KCNA2: variants seen among roughly 807,000 people sequenced by gnomAD.
KCNA2 encodes potassium channel, voltage gated shaker related subfamily A, member 2.
Under a neutral mutation model 33.4 loss-of-function variants are expected in KCNA2, and 11 were observed. That is an observed-to-expected ratio of 0.33 (90% CI 0.21 to 0.55). The LOEUF (loss-of-function observed/expected upper bound fraction) is 0.55. KCNA2 is among the 20% of genes least tolerant of loss of function. The probability of loss-of-function intolerance (pLI) is 0.93; values close to 1 mark genes in which losing one functional copy is unlikely to be tolerated. For synonymous variants in KCNA2, 222 were observed against 231.3 expected, an observed-to-expected ratio of 0.96 and a Z score of 0.37; for missense variants, 291 against 621.6, an observed-to-expected ratio of 0.47 and a Z score of 5.66.
rs749520613 is a variant in KCNA2, at chr1:110,603,541, G to A, written c.1242C>T (p.Asn414=). ...LPVPVIVSNF[N]YFYHRETEGE... ...CCTCTGTCTCCCGGTGGTAGAAGTA[G>A]TTGAAATTGGACACAATGACAGGGA... The change falls in exon 3 of 3, where the codon AAC becomes AAT. Residue 414 remains asparagine (N), a synonymous_variant. Coordinates refer to ENST00000316361, the MANE Select transcript of KCNA2 (RefSeq NM_004974.4). The surrounding 1 kb of genome is among the most constrained non-coding windows in gnomAD (Gnocchi z 5.7). The A allele has an allele frequency of 9.9e-6, 16 of 1,614,014 alleles. 1 individual carries two copies. In the South Asian group the frequency reaches 1.8e-4, roughly 18 times the overall value.
chr1:110,609,629 A>G (rs1349325820), upstream of KCNA2, among the ~76,000 whole-genome samples: 4 of 152,068 alleles, frequency 2.6e-5, no homozygotes, highest in African/African-American at 9.7e-5. Flanking sequence ...CTCTGCTTCT[A>G]TTTTGTGACT....
intron 1 of KCNA2, among the ~76,000 whole-genome samples, chr1:110,612,627 T>A (rs1298263015): frequency 6.6e-6 from 1 of 152,190 alleles, no homozygotes; most frequent in Non-Finnish European, 1.5e-5. Context: ...TTCAGACTTG[T>A]TCCCCTCTGG....
chr1:110,602,139 T>C lies in KCNA2; in HGVS notation c.*1144A>G. 6.4e-7 allele frequency: 1 copy of C among 1,550,530 alleles called. No individual in the cohort carries two copies. The highest frequency in any genetic ancestry group is 8.7e-7 in the Non-Finnish European group (1 of 1,146,992). ...GGTGTTCAGATGCTGCCTTCCCCGC[T>C]TACTCTTCTGGCTTTGCAGAGGTCT... On this transcript the variant is annotated 3_prime_UTR_variant, in exon 3 of 3. Transcript: ENST00000316361.
chr1:110,599,867 T>C lies in KCNA2; in HGVS notation c.*3416A>G, dbSNP rs1321264635. The C allele has an allele frequency of 7.1e-6, 7 of 985,238 alleles. No individual in the cohort carries two copies. The highest frequency in any genetic ancestry group is 1.7e-5 in the African/African-American group (1 of 57,184). The allele number at this position is 985,238 out of a possible 1,614,324, so 61.0% of individuals were successfully genotyped here. On this transcript the variant is annotated 3_prime_UTR_variant, in exon 3 of 3. Coordinates refer to ENST00000316361, the MANE Select transcript of KCNA2 (RefSeq NM_004974.4). ...GGAAGGGTCATGGCAAGGAGGCCTA[T>C]ATTAGGCTACCAGCTGTCCCAGGTA...
intron 1 of KCNA2, among the ~76,000 whole-genome samples, chr1:110,616,976 C>T (rs1557738277): frequency 6.6e-6 from 1 of 152,210 alleles, no homozygotes. Context: ...AAAGCCTTCA[C>T]CAAGGATGGA....
Position 110,612,677 on chromosome 1 carries a change from T to A in KCNA2, c.-495-6955A>T, listed in dbSNP as rs375802547. ...AGTTGCTATAGAGACCCCACTAAAG[T>A]GCAGGTAGGATCTATCACCTCTTCA... is the stretch of plus-strand genomic sequence containing the variant. On this transcript the variant is annotated intron_variant, in intron 1 of 4. Coordinates refer to the KCNA2 transcript ENST00000369770. Among the ~76,000 whole-genome samples the A allele has an allele frequency of 3.3e-5, 5 of 152,196 alleles. No individual in the cohort carries two copies. The East Asian group carries it at 5.8e-4, about 18-fold the overall frequency.
In KCNA2 at chr1:110,596,969, C is replaced by A. The variant is rs1649122585; in HGVS notation, c.*6314G>T. On this transcript the variant is annotated 3_prime_UTR_variant, in exon 3 of 3. Transcript: ENST00000316361. The stretch of plus-strand genomic sequence containing the variant: ...CTTCTGAAGCCCCTGGCTATGTGTG[C>A]AAATATTTGTGCAGCTGCACACTCT... 1 of 985,324 alleles carries A rather than the reference C, an allele frequency of 1.0e-6. No homozygotes were observed. Among genetic ancestry groups the A allele is most frequent in the Non-Finnish European group, 1.2e-6 (1 of 829,942 alleles). 61.0% of individuals were successfully genotyped at this position (985,324 alleles called of 1,614,324 possible). A position where few individuals can be genotyped will look rare whatever the true frequency, so the allele number is the denominator to read the frequency against.
intron 1 of KCNA2, among the ~76,000 whole-genome samples, chr1:110,624,507 T>C (rs1332052775): frequency 1.3e-5 from 2 of 152,194 alleles, no homozygotes; most frequent in Non-Finnish European, 2.9e-5. Context: ...GACTGACAAG[T>C]GGCAGGAGTG....
intron 1 of KCNA2, among the ~76,000 whole-genome samples, chr1:110,614,396 T>C (rs1354482011): frequency 6.6e-6 from 1 of 152,264 alleles, no homozygotes; most frequent in African/African-American, 2.4e-5. Context: ...TAACACAGGT[T>C]GACTCCCTAG....
intron 1 of KCNA2, among the ~76,000 whole-genome samples, chr1:110,619,982 G>C (rs1218816840): frequency 6.6e-6 from 1 of 151,722 alleles, no homozygotes; most frequent in Admixed American, 6.6e-5. Flanking sequence ...GTGCCCTGTA[G>C]CAAATGCTGC....
upstream of KCNA2, among the ~76,000 whole-genome samples, chr1:110,611,022 A>T (rs1214382324): frequency 1.2e-5 from 1 of 80,254 alleles, no homozygotes; most frequent in Non-Finnish European, 2.3e-5. Flanking sequence ...CAGAATGAGG[A>T]AGGAAGGAAG....
At chr1:110,629,011 T>C (rs1285722870) in intron 1 of KCNA2, among the ~76,000 whole-genome samples, 1 of 152,188 alleles carries the variant, frequency 6.6e-6, no homozygotes, top group Admixed American at 6.5e-5. Flanking sequence ...ACCTGATGTG[T>C]TCTCCTCAAA....
In KCNA2 at chr1:110,597,233, C is replaced by A; in HGVS notation, c.*6050G>T. The A allele has an allele frequency of 1.0e-6, 1 of 985,438 alleles. No individual in the cohort carries two copies. Among genetic ancestry groups the A allele is most frequent in the Non-Finnish European group, 1.2e-6 (1 of 829,942 alleles). 61.0% of individuals were successfully genotyped at this position (985,438 alleles called of 1,614,324 possible). Reference sequence around the variant, plus strand: ...CCACATTCCCTCAGCATCCGTCTCCCTGGGGAAGGGAGAAGGGGAAGCAAA... The same window carrying A: ...CCACATTCCCTCAGCATCCGTCTCCATGGGGAAGGGAGAAGGGGAAGCAAA... On this transcript the variant is annotated 3_prime_UTR_variant, in exon 3 of 3. Transcript: ENST00000316361.
At position 110,596,330 on chromosome 1, in the gene KCNA2, A is replaced by G; in HGVS notation, c.*6953T>C. The G allele has an allele frequency of 4.9e-6, 2 of 407,846 alleles. No homozygotes were observed. Among genetic ancestry groups the G allele is most frequent in the Non-Finnish European group, 6.5e-6 (2 of 306,172 alleles). The allele number at this position is 407,846 out of a possible 1,614,324, so 25.3% of individuals were successfully genotyped here. On this transcript the variant is annotated 3_prime_UTR_variant, in exon 3 of 3. Transcript: ENST00000316361. ...ATTTAAAAATAGTATACATATATAC[A>G]TATACTATATATATATATATACACA...
chr1:110,610,416 C>A (rs1185566158), upstream of KCNA2, among the ~76,000 whole-genome samples: 1 of 152,226 alleles, frequency 6.6e-6, no homozygotes, highest in Non-Finnish European at 1.5e-5. Flanking sequence ...CACCCATGTG[C>A]TGGCACAGTC....
rs916624145 is a variant in KCNA2 at position 110,597,785 on chromosome 1, T to C, written c.*5498A>G. ...AAAGAGCTATTGCTAAAGAAAACAGTCACTATTTATTTTATTGCACTTTTC... is the reference window on the plus strand; with the variant it reads ...AAAGAGCTATTGCTAAAGAAAACAGCCACTATTTATTTTATTGCACTTTTC... On this transcript the variant is annotated 3_prime_UTR_variant, in exon 3 of 3. Coordinates refer to ENST00000316361, the MANE Select transcript of KCNA2 (RefSeq NM_004974.4). 6 of 985,092 alleles carry C rather than the reference T, an allele frequency of 6.1e-6. No individual in the cohort carries two copies. In the African/African-American group the frequency reaches 1.0e-4, roughly 17 times the overall value. The allele number at this position is 985,092 out of a possible 1,614,324, so 61.0% of individuals were successfully genotyped here. A position where few individuals can be genotyped will look rare whatever the true frequency, so the allele number is the denominator to read the frequency against.
Position 110,604,918 on chromosome 1 carries a change from T to A in KCNA2, c.-136A>T. On this transcript the variant is annotated 5_prime_UTR_variant, in exon 3 of 3. Transcript: ENST00000316361. This position sits in a 1 kb window ranked among gnomAD's most constrained non-coding sequence, Gnocchi z 7.6. ...CTGCAGGAGAGCCCCGAGAGCTCTCTGAGAGCTGGAGAGACAGCCTCGCTT... is the reference window on the plus strand; with the variant it reads ...CTGCAGGAGAGCCCCGAGAGCTCTCAGAGAGCTGGAGAGACAGCCTCGCTT... 1 of 796,446 alleles carries A rather than the reference T, an allele frequency of 1.3e-6. No homozygotes were observed. Among genetic ancestry groups the A allele is most frequent in the Non-Finnish European group, 2.0e-6 (1 of 489,546 alleles). 49.3% of individuals were successfully genotyped at this position (796,446 alleles called of 1,614,324 possible).
chr1:110,611,028 G>GGAAGGAAA (rs1336340443), upstream of KCNA2, among the ~76,000 whole-genome samples: 25 of 105,990 alleles, frequency 2.4e-4, no homozygotes, highest in African/African-American at 1.1e-3. Flanking sequence ...GAGGAAGGAA[G>GGAAGGAAA]GAAGGAAGGA....
In KCNA2 at chr1:110,598,797, TTCAG is replaced by T; in HGVS notation, c.*4482_*4485del. On this transcript the variant is annotated 3_prime_UTR_variant, in exon 3 of 3. Transcript: ENST00000316361. ...AGAGCATGTCAAATATTACTGAAGTTTCAGAAAGCACAGAGCCTTAATTATTTTC... is the reference window on the plus strand; with the variant it reads ...AGAGCATGTCAAATATTACTGAAGTTAAAGCACAGAGCCTTAATTATTTTC... 3 of 985,298 alleles carry T rather than the reference TTCAG, an allele frequency of 3.0e-6. No individual in the cohort carries two copies. Among genetic ancestry groups the T allele is most frequent in the South Asian group, 9.4e-5 (2 of 21,284 alleles). 61.0% of individuals were successfully genotyped at this position (985,298 alleles called of 1,614,324 possible).
Sources: allele counts gnomAD v4.1 joint callset (sites outside exome capture counted in the v4.1 genomes callset), GRCh38; gene constraint gnomAD v4.1.1; non-coding constraint Gnocchi (gnomAD v3.1); transcripts MANE v1.5; gene names NCBI Gene and HGNC (gene_info 2026-07-23, HGNC 2026-07-21).